Variants in CTIF observed in about 807,000 individuals in gnomAD.
CTIF encodes the protein CBP80/20-dependent translation initiation factor.
CTIF carries 21 observed loss-of-function variants against 66.0 expected under a neutral mutation model. That is an observed-to-expected ratio of 0.32 (90% confidence interval 0.23 to 0.46). The LOEUF is 0.46. CTIF is among the 20% of genes least tolerant of loss of function. CTIF has a pLI of 1.00. For synonymous variants in CTIF, 345 were observed against 326.4 expected, an observed-to-expected ratio of 1.06 and a Z score of -0.62; for missense variants, 739 against 812.7, an observed-to-expected ratio of 0.91 and a Z score of 1.10.
intron 1 of CTIF, among the ~76,000 whole-genome samples, chr18:48,606,087 C>A (rs2090194799): frequency 6.6e-6 from 1 of 152,208 alleles, no homozygotes; most frequent in South Asian, 2.1e-4. Context: ...TTATGTTCTA[C>A]AAGGTAGTGG....
chr18:48,556,999 C>G (rs145470413), intron 1 of CTIF, among the ~76,000 whole-genome samples: 1 of 152,112 alleles, frequency 6.6e-6, no homozygotes, highest in African/African-American at 2.4e-5. Context: ...TACACTTAGC[C>G]CAGTGCTTGG....
At chr18:48,627,006 T>A in intron 2 of CTIF, among the ~76,000 whole-genome samples, 1 of 152,154 alleles carries the variant, frequency 6.6e-6, no homozygotes, top group Admixed American at 6.5e-5. Context: ...AAGTAACAAT[T>A]GGAAAAACAG....
intron 9 of CTIF, among the ~76,000 whole-genome samples, chr18:48,777,234 G>T (rs1331396533): frequency 6.6e-6 from 1 of 152,230 alleles, no homozygotes; most frequent in African/African-American, 2.4e-5. Context: ...CACCTGCTGG[G>T]TGGGCAGGGC....
At chr18:48,787,348 TAGGG>T (rs971381873) in intron 9 of CTIF, among the ~76,000 whole-genome samples, 4 of 145,862 alleles carry the variant, frequency 2.7e-5, no homozygotes, top group African/African-American at 1.0e-4. Context: ...GGGAGGGAAA[TAGGG>T]AGAAAGGAAG....
intron 7 of CTIF, chr18:48,756,274 C>T (rs1385553699): frequency 6.6e-6 from 1 of 152,128 alleles, no homozygotes; most frequent in Non-Finnish European, 1.5e-5. Flanking sequence ...GACTGTCATC[C>T]CCATTGGGGA....
chr18:48,662,297 T>C (rs957339735), intron 3 of CTIF: 1 of 152,292 alleles, frequency 6.6e-6, no homozygotes, highest in African/African-American at 2.4e-5. Context: ...TGAATAAATG[T>C]GGCTGATCTG....
intron 10 of CTIF, among the ~76,000 whole-genome samples, chr18:48,852,147 T>C (rs2069216420): frequency 6.8e-6 from 1 of 146,190 alleles, no homozygotes; most frequent in Admixed American, 7.3e-5. Flanking sequence ...GGCTGGAAGA[T>C]TGCTTAAGCC....
intron 7 of CTIF, among the ~76,000 whole-genome samples, chr18:48,749,183 C>A (rs900249): frequency 6.6e-6 from 1 of 152,090 alleles, no homozygotes; most frequent in African/African-American, 2.4e-5. Flanking sequence ...GGGAGAGCAA[C>A]TTCCAGGTCA....
chr18:48,688,288 G>A (rs1598873175), intron 6 of CTIF: 1 of 152,212 alleles, frequency 6.6e-6, no homozygotes, highest in East Asian at 1.9e-4. Flanking sequence ...TCACCTGCAA[G>A]GATTCCTCCT....
At chr18:48,716,560 C>T (rs575426676) in intron 7 of CTIF, among the ~76,000 whole-genome samples, 44 of 152,100 alleles carry the variant, frequency 2.9e-4, no homozygotes, top group Non-Finnish European at 2.1e-4. Flanking sequence ...CCCCACATCC[C>T]CAGAAGTCGT....
intron 2 of CTIF, among the ~76,000 whole-genome samples, chr18:48,626,908 C>T (rs781277504): frequency 3.3e-5 from 5 of 151,474 alleles, no homozygotes; most frequent in Non-Finnish European, 7.4e-5. Context: ...CCACCCTGCT[C>T]GGCCTCCCAA....
chr18:48,800,258 A>T (rs1309632834), intron 9 of CTIF, among the ~76,000 whole-genome samples: 1 of 152,228 alleles, frequency 6.6e-6, no homozygotes, highest in Admixed American at 6.5e-5. Context: ...AGTCAACGTG[A>T]GTCCCCACAC....
rs187130154 is a variant in CTIF at position 48,574,297 on chromosome 18, C to G, written c.-29+34985C>G. Among the ~76,000 whole-genome samples, 4 of 152,342 alleles carry G rather than the reference C, an allele frequency of 2.6e-5. No homozygotes were observed. The South Asian group carries it at 8.3e-4, about 32-fold the overall frequency. On this transcript the variant is annotated intron_variant, in intron 1 of 11. Transcript: ENST00000256413. The stretch of plus-strand genomic sequence containing the variant: ...TGGGCTTAAATAATTCCCTGACTAT[C>G]CTGTTTAAATTTGCTCCCTCTCCCC...
At chr18:48,717,852 G>A (rs1487872952) in intron 7 of CTIF, among the ~76,000 whole-genome samples, 3 of 151,780 alleles carry the variant, frequency 2.0e-5, no homozygotes, top group Admixed American at 6.6e-5. Flanking sequence ...TCAGCCTCTT[G>A]AGTAGTTCTA....
At chr18:48,583,545 T>G (rs899925302) in intron 1 of CTIF, among the ~76,000 whole-genome samples, 10 of 152,154 alleles carry the variant, frequency 6.6e-5, no homozygotes, top group African/African-American at 2.4e-4. Context: ...TGCTATGCAC[T>G]CTCCTCACTC....
chr18:48,636,799 G>T, intron 3 of CTIF, 114 bp downstream of exon 3: 1 of 684,628 alleles, frequency 1.5e-6, no homozygotes, highest in East Asian at 3.4e-5. Context: ...GTGCAGAGAG[G>T]TGGGAGAGGG....
chr18:48,728,791 CT>C (rs921933349), intron 7 of CTIF, among the ~76,000 whole-genome samples: 1 of 151,678 alleles, frequency 6.6e-6, no homozygotes, highest in Non-Finnish European at 1.5e-5. Flanking sequence ...GCTGTTGGAT[CT>C]TTTGTAACCT....
intron 9 of CTIF, among the ~76,000 whole-genome samples, chr18:48,811,618 G>C (rs913355671): frequency 1.3e-5 from 2 of 152,046 alleles, no homozygotes; most frequent in Non-Finnish European, 2.9e-5. Context: ...CTGTTTATGG[G>C]TTTGGCTACT....
intron 2 of CTIF, among the ~76,000 whole-genome samples, chr18:48,628,912 G>A (rs1342145621): frequency 6.6e-6 from 1 of 152,148 alleles, no homozygotes; most frequent in Non-Finnish European, 1.5e-5. Flanking sequence ...AGCCAGCCTT[G>A]GGTCCCACAT....
Sources: gnomAD v4.1 joint callset for allele counts (sites outside exome capture counted in the v4.1 genomes callset) on GRCh38, gnomAD v4.1.1 for gene constraint, MANE v1.5 for transcripts, NCBI Gene and HGNC (gene_info 2026-07-23, HGNC 2026-07-21) for gene names.